The following SFXN5 variants were observed in gnomAD, a reference collection of about 807,000 sequenced individuals.
SFXN5 encodes sideroflexin-5.
SFXN5 carries 43 observed loss-of-function variants against 50.2 expected under a neutral mutation model. That is an observed-to-expected ratio of 0.86 (90% CI 0.67 to 1.11). The LOEUF (loss-of-function observed/expected upper bound fraction) is 1.11, where lower values mean the gene tolerates loss of function less well. SFXN5 is among the 50% of genes least tolerant of loss of function. The probability of loss-of-function intolerance (pLI) is 0.00; values close to 1 mark genes in which losing one functional copy is unlikely to be tolerated. For missense variants in SFXN5, 463 were observed against 454.1 expected, an observed-to-expected ratio of 1.02 and a Z score of -0.18; for synonymous variants, 203 against 185.8, an observed-to-expected ratio of 1.09 and a Z score of -0.75.
intron 1 of SFXN5, among the ~76,000 whole-genome samples, chr2:73,068,528 C>T (rs1683335335): frequency 1.3e-5 from 2 of 152,120 alleles, no homozygotes; most frequent in Non-Finnish European, 2.9e-5. Context: ...CCCTAAGGGA[C>T]AATTTGGAGA....
At position 72,953,513 on chromosome 2, in the gene SFXN5, G is replaced by A. The variant is rs1285171066; in HGVS notation, c.945+7618C>T. On this transcript the variant is annotated intron_variant, in intron 13 of 13. Coordinates refer to ENST00000272433, the MANE Select transcript of SFXN5 (RefSeq NM_144579.3). The surrounding 1 kb of genome is among the most constrained non-coding windows in gnomAD (Gnocchi z 4.1). ...AGTGGGAGAAGCAGGGACCAACAAA[G>A]TCAAGGTGAACCCAGATGAGCCACG... Among the ~76,000 whole-genome samples the A allele has an allele frequency of 6.6e-6, 1 of 152,184 alleles. No individual in the cohort carries two copies. Among genetic ancestry groups the A allele is most frequent in the African/African-American group, 2.4e-5 (1 of 41,438 alleles).
chr2:73,023,256 T>C (rs201345190), intron 3 of SFXN5, 42 bp from the exon 4 acceptor site: 1 of 1,557,350 alleles, frequency 6.4e-7, no homozygotes, highest in African/African-American at 1.4e-5. Flanking sequence ...GAACAAAAAT[T>C]AAAAGCATAT....
At chr2:72,948,907 C>A (rs1236476136) in intron 13 of SFXN5, among the ~76,000 whole-genome samples, 1 of 152,154 alleles carries the variant, frequency 6.6e-6, no homozygotes. Flanking sequence ...GGGACAAGAC[C>A]AACTCATGCC....
At chr2:73,018,101 G>A (rs765397906) in intron 6 of SFXN5, among the ~76,000 whole-genome samples, 17 of 152,028 alleles carry the variant, frequency 1.1e-4, no homozygotes, top group Non-Finnish European at 2.2e-4. Context: ...CTAGCTACTC[G>A]GGAGGCTGAG....
chr2:72,959,424 C>T (rs1186672567), intron 13 of SFXN5, among the ~76,000 whole-genome samples: 4 of 152,122 alleles, frequency 2.6e-5, no homozygotes, highest in African/African-American at 4.8e-5. Flanking sequence ...GCTGCACTCC[C>T]AGACCACGTG....
At position 73,071,221 on chromosome 2, in the gene SFXN5, C is replaced by G. The variant is rs549494843; in HGVS notation, c.102+383G>C. On this transcript the variant is annotated intron_variant, in intron 1 of 13. Transcript: ENST00000272433. ...GGCCACGCCAACTTCCCATCCAGGG[C>G]CAGACTAGAACTTTGCGTCCCGGGC... 30 of 206,966 alleles carry G rather than the reference C, an allele frequency of 1.4e-4. 2 individuals are homozygous for G. In the South Asian group the frequency reaches 2.4e-3, roughly 17 times the overall value. The allele number at this position is 206,966 out of a possible 1,614,324, so 12.8% of individuals were successfully genotyped here. A position where few individuals can be genotyped will look rare whatever the true frequency, so the allele number is the denominator to read the frequency against.
intron 12 of SFXN5, among the ~76,000 whole-genome samples, chr2:72,966,122 C>T (rs918378750): frequency 5.3e-4 from 80 of 152,292 alleles, no homozygotes; most frequent in Non-Finnish European, 6.5e-4. Context: ...CGTGGGTGGA[C>T]GAGACTCCAT....
chr2:72,968,603 C>A, intron 11 of SFXN5, 70 bp from the exon 12 acceptor site: 1 of 1,443,738 alleles, frequency 6.9e-7, no homozygotes, highest in East Asian at 2.3e-5. Context: ...CCACCCAGAG[C>A]CCTAGGTGTG....
At chr2:73,019,266 G>A (rs186770188) in intron 6 of SFXN5, among the ~76,000 whole-genome samples, 15 of 152,124 alleles carry the variant, frequency 9.9e-5, no homozygotes, top group Non-Finnish European at 1.8e-4. Context: ...ATTTTCTGTC[G>A]GGGTGGTGAT....
intron 10 of SFXN5, among the ~76,000 whole-genome samples, chr2:72,979,920 G>A (rs1357857228): frequency 3.3e-5 from 5 of 152,090 alleles, no homozygotes; most frequent in African/African-American, 7.2e-5. Flanking sequence ...TAAATGACTC[G>A]GGAGAGAGAA....
intron 1 of SFXN5, chr2:73,071,275 G>C: frequency 8.4e-6 from 3 of 358,084 alleles, no homozygotes; most frequent in Non-Finnish European, 1.5e-5. Context: ...GAGCGACCCT[G>C]AGCAGCCGCT....
chr2:73,006,437 C>T (rs1282814073), intron 6 of SFXN5, among the ~76,000 whole-genome samples: 2 of 152,134 alleles, frequency 1.3e-5, no homozygotes, highest in Non-Finnish European at 2.9e-5. Context: ...GCCTGGCCAA[C>T]GTGGCGAAAC....
At chr2:72,971,345 G>C (rs1238211854) in intron 11 of SFXN5, among the ~76,000 whole-genome samples, 1 of 151,818 alleles carries the variant, frequency 6.6e-6, no homozygotes, top group Non-Finnish European at 1.5e-5. Context: ...GCTGCGATAA[G>C]AGACAGGAAC....
At chr2:72,963,791 T>C (rs1470119293) in intron 12 of SFXN5, among the ~76,000 whole-genome samples, 1 of 152,104 alleles carries the variant, frequency 6.6e-6, no homozygotes, top group African/African-American at 2.4e-5. Flanking sequence ...AGAGCCCTCC[T>C]GATCCAGCAC....
At chr2:72,966,566 C>A (rs1320280018) in intron 12 of SFXN5, among the ~76,000 whole-genome samples, 1 of 152,182 alleles carries the variant, frequency 6.6e-6, no homozygotes, top group Non-Finnish European at 1.5e-5. Context: ...CTCAGGTACC[C>A]CCAGAGCCTC....
At chr2:73,067,358 G>C (rs1683251958) in intron 1 of SFXN5, among the ~76,000 whole-genome samples, 1 of 152,190 alleles carries the variant, frequency 6.6e-6, no homozygotes, top group South Asian at 2.1e-4. Context: ...TCCTGGATGG[G>C]ATCCTGGGAC....
intron 3 of SFXN5, among the ~76,000 whole-genome samples, chr2:73,038,001 T>C (rs1474607620): frequency 6.6e-6 from 1 of 152,190 alleles, no homozygotes; most frequent in Non-Finnish European, 1.5e-5. Flanking sequence ...ATCTTCAGAT[T>C]GCAAGGAGCA....
At chr2:73,016,703 AAAAC>A (rs765610295) in intron 6 of SFXN5, among the ~76,000 whole-genome samples, 3 of 152,296 alleles carry the variant, frequency 2.0e-5, no homozygotes, top group South Asian at 4.1e-4. Context: ...GACTCTGTCT[AAAAC>A]AAACAAACAA....
At chr2:73,056,152 T>C (rs1207311543) in intron 2 of SFXN5, among the ~76,000 whole-genome samples, 9 of 151,902 alleles carry the variant, frequency 5.9e-5, no homozygotes, top group African/African-American at 1.9e-4. Context: ...AATAAATAAA[T>C]AAAAATAAAT....
Sources: gnomAD v4.1 joint callset for allele counts (sites outside exome capture counted in the v4.1 genomes callset) on GRCh38, gnomAD v4.1.1 for gene constraint, Gnocchi (gnomAD v3.1) non-coding constraint, MANE v1.5 for transcripts, NCBI Gene and HGNC (gene_info 2026-07-23, HGNC 2026-07-21) for gene names.